MCU: variants seen among roughly 807,000 people sequenced by gnomAD.
MCU encodes the protein mitochondrial calcium uniporter.
In MCU, 12 loss-of-function variants were observed where a neutral mutation model predicts 45.2. That is an observed-to-expected ratio of 0.27 (90% CI 0.17 to 0.43). The LOEUF (loss-of-function observed/expected upper bound fraction) is 0.43, where lower values mean the gene tolerates loss of function less well. Ranked by LOEUF, MCU falls within the 20% of genes least tolerant of loss-of-function variation. The pLI, the probability that MCU is intolerant of heterozygous loss-of-function variation, is 1.00. For synonymous variants in MCU, 160 were observed against 165.1 expected, an observed-to-expected ratio of 0.97 and a Z score of 0.24; for missense variants, 324 against 436.7, an observed-to-expected ratio of 0.74 and a Z score of 2.30.
At chr10:72,803,750 G>A (rs1844376930) in intron 1 of MCU, among the ~76,000 whole-genome samples, 1 of 151,132 alleles carries the variant, frequency 6.6e-6, no homozygotes, top group Non-Finnish European at 1.5e-5. Flanking sequence ...ACAAAATACT[G>A]GATTGTTTTA....
At chr10:72,877,798 T>C (rs902928922) in intron 6 of MCU, among the ~76,000 whole-genome samples, 1 of 152,160 alleles carries the variant, frequency 6.6e-6, no homozygotes, top group African/African-American at 2.4e-5. Flanking sequence ...CTTGTTAGCC[T>C]AGAGGAACCA....
intron 1 of MCU, among the ~76,000 whole-genome samples, chr10:72,804,156 G>A (rs992257930): frequency 2.8e-5 from 4 of 143,384 alleles, no homozygotes; most frequent in Non-Finnish European, 4.6e-5. Context: ...GCACAGTCTT[G>A]GCTCACTGCA....
At chr10:72,733,369 G>A (rs1564541531) in intron 1 of MCU, among the ~76,000 whole-genome samples, 1 of 152,118 alleles carries the variant, frequency 6.6e-6, no homozygotes, top group Non-Finnish European at 1.5e-5. Context: ...AGGCAGCAGA[G>A]TCACTTGAAC....
chr10:72,861,981 CTTTTT>C (rs1252900155), intron 4 of MCU, among the ~76,000 whole-genome samples: 1 of 131,864 alleles, frequency 7.6e-6, no homozygotes, highest in Non-Finnish European at 1.6e-5. Flanking sequence ...TGAGTTGTGT[CTTTTT>C]TTTTTTTTTT....
rs566397931 is a variant in MCU, at chr10:72,741,245, G to A, written c.150+48944G>A. 1.2e-4 allele frequency among the ~76,000 whole-genome samples: 18 copies of A among 151,800 alleles called. No individual in the cohort carries two copies. In the East Asian group the frequency reaches 1.4e-3, roughly 11 times the overall value. On this transcript the variant is annotated intron_variant, in intron 1 of 7. Coordinates refer to ENST00000373053, the MANE Select transcript of MCU (RefSeq NM_138357.3). ...CTCCCAAGTAGCTAGGATTACAGGCGCCCACCACCACACCCGGCTAATTTT... is the reference window on the plus strand; with the variant it reads ...CTCCCAAGTAGCTAGGATTACAGGCACCCACCACCACACCCGGCTAATTTT...
intron 1 of MCU, among the ~76,000 whole-genome samples, chr10:72,733,553 A>G (rs1233928576): frequency 6.6e-6 from 1 of 152,108 alleles, no homozygotes; most frequent in African/African-American, 2.4e-5. Flanking sequence ...CCAGACCCCC[A>G]TGTCTAAAAA....
intron 1 of MCU, among the ~76,000 whole-genome samples, chr10:72,695,167 T>G (rs1842670442): frequency 6.6e-6 from 1 of 152,226 alleles, no homozygotes; most frequent in Admixed American, 6.5e-5. Context: ...CTATTTCGTC[T>G]CTGATTATGA....
intron 1 of MCU, among the ~76,000 whole-genome samples, chr10:72,745,934 A>T (rs1243243962): frequency 2.0e-5 from 3 of 152,084 alleles, no homozygotes; most frequent in Non-Finnish European, 4.4e-5. Flanking sequence ...GTAGTTGTGA[A>T]CCATTACCAC....
chr10:72,837,692 T>C (rs1250722481), intron 2 of MCU, among the ~76,000 whole-genome samples: 1 of 152,106 alleles, frequency 6.6e-6, no homozygotes, highest in Non-Finnish European at 1.5e-5. Context: ...GTAAAATTTT[T>C]ATGGTTATAT....
chr10:72,780,722 T>C (rs1843979812), intron 1 of MCU, among the ~76,000 whole-genome samples: 1 of 152,154 alleles, frequency 6.6e-6, no homozygotes, highest in African/African-American at 2.4e-5. Context: ...TCTGGAAAGA[T>C]CTAGCAAGGA....
chr10:72,805,857 TAGAAG>T (rs1194160980), intron 1 of MCU, among the ~76,000 whole-genome samples: 1 of 152,146 alleles, frequency 6.6e-6, no homozygotes, highest in African/African-American at 2.4e-5. Context: ...CATAAGCACT[TAGAAG>T]AGAGATGTGA....
At chr10:72,741,315 G>A (rs551685744) in intron 1 of MCU, among the ~76,000 whole-genome samples, 41 of 152,080 alleles carry the variant, frequency 2.7e-4, no homozygotes, top group Non-Finnish European at 5.0e-4. Flanking sequence ...TGGCCAGGCC[G>A]GTCTCAAACT....
At chr10:72,749,913 T>C (rs1843469939) in intron 1 of MCU, among the ~76,000 whole-genome samples, 1 of 151,910 alleles carries the variant, frequency 6.6e-6, no homozygotes, top group Non-Finnish European at 1.5e-5. Context: ...ACTACAGGCG[T>C]GTGCTACCAT....
chr10:72,697,544 C>G (rs1311038537), intron 1 of MCU, among the ~76,000 whole-genome samples: 2 of 150,812 alleles, frequency 1.3e-5, no homozygotes, highest in Non-Finnish European at 2.9e-5. Context: ...AGCGATTCTC[C>G]TGCCTCAGCC....
In MCU at chr10:72,730,279, T is replaced by A. The variant is rs548372178; in HGVS notation, c.150+37978T>A. Reference sequence around the variant, plus strand: ...CCCAGCCTTCAACATTCTTTTAAACTTTGTTCTCCTATTGGTCCTTTCTTT... The same window carrying A: ...CCCAGCCTTCAACATTCTTTTAAACATTGTTCTCCTATTGGTCCTTTCTTT... On this transcript the variant is annotated intron_variant, in intron 1 of 7. Coordinates refer to ENST00000373053, the MANE Select transcript of MCU (RefSeq NM_138357.3). Among the ~76,000 whole-genome samples, 4 of 147,010 alleles carry A rather than the reference T, an allele frequency of 2.7e-5. No homozygotes were observed. The East Asian group carries it at 8.2e-4, about 30-fold the overall frequency.
intron 1 of MCU, among the ~76,000 whole-genome samples, chr10:72,787,719 G>C (rs1023294278): frequency 2.4e-4 from 36 of 147,324 alleles, no homozygotes; most frequent in Admixed American, 4.7e-4. Flanking sequence ...TTTCTTTTTT[G>C]TTTTTTGTTT....
At position 72,884,270 on chromosome 10, in the gene MCU, A is replaced by G. The variant is rs1449259545; in HGVS notation, c.866A>G (p.Tyr289Cys). ...YAYFVMTRQE[Y>C]VYPEARDRQY... is the part of the protein sequence containing the mutation. The stretch of plus-strand genomic sequence containing the variant: ...TCCGTTTCTTCATTTTTTTAGGAAT[A>G]TGTTTATCCAGAAGCCAGAGACAGA... The change falls in exon 7 of 8, where the codon TAT becomes TGT. Residue 289 changes from tyrosine to cysteine, a missense_variant. Coordinates refer to ENST00000373053, the MANE Select transcript of MCU (RefSeq NM_138357.3). 2 of 1,580,962 alleles carry G rather than the reference A, an allele frequency of 1.3e-6. No individual in the cohort carries two copies. Among genetic ancestry groups the G allele is most frequent in the South Asian group, 2.2e-5 (2 of 90,270 alleles).
chr10:72,775,991 C>A (rs2132744036), intron 1 of MCU, among the ~76,000 whole-genome samples: 1 of 152,016 alleles, frequency 6.6e-6, no homozygotes, highest in South Asian at 2.1e-4. Flanking sequence ...ATAGTGAGAC[C>A]CTGTCTCTAC....
chr10:72,861,924 A>G, intron 4 of MCU: 1 of 265,884 alleles, frequency 3.8e-6, no homozygotes, highest in Non-Finnish European at 7.4e-6. Flanking sequence ...AGCCTCTACT[A>G]TGGCTCTGCA....
Sources: gnomAD v4.1 joint callset for allele counts (sites outside exome capture counted in the v4.1 genomes callset) on GRCh38, gnomAD v4.1.1 for gene constraint, MANE v1.5 for transcripts, NCBI Gene and HGNC (gene_info 2026-07-23, HGNC 2026-07-21) for gene names.